The following CEP162 variants were observed in gnomAD, a reference collection of about 807,000 sequenced individuals.
The protein encoded by CEP162 is centrosomal protein of 162 kDa.
Under a neutral mutation model 169.2 loss-of-function variants are expected in CEP162, and 141 were observed. That is an observed-to-expected ratio of 0.83 (90% CI 0.73 to 0.96). The LOEUF (loss-of-function observed/expected upper bound fraction) is 0.96. Among genes scored for constraint, CEP162 ranks in the 40% least tolerant of loss-of-function variants. The probability of loss-of-function intolerance (pLI) is 0.00; values close to 1 mark genes in which losing one functional copy is unlikely to be tolerated. For missense variants in CEP162, 1,600 were observed against 1,587.2 expected, an observed-to-expected ratio of 1.01 and a Z score of -0.14; for synonymous variants, 540 against 526.4, an observed-to-expected ratio of 1.03 and a Z score of -0.35.
Position 84,153,193 on chromosome 6 carries a change from T to C in CEP162, c.2995-14A>G, listed in dbSNP as rs1343256833. The C allele has an allele frequency of 6.3e-7, 1 of 1,583,462 alleles. No homozygotes were observed. The highest frequency in any genetic ancestry group is 8.6e-7 in the Non-Finnish European group (1 of 1,168,964). On this transcript the variant is annotated splice_polypyrimidine_tract_variant and intron_variant, in intron 22 of 26. Transcript: ENST00000403245. Reference sequence around the variant, plus strand: ...TTCATACTGAATCTGAAGGAAAGAATCCATGTAATGCCAAACACCTGTTAA... The same window carrying C: ...TTCATACTGAATCTGAAGGAAAGAACCCATGTAATGCCAAACACCTGTTAA...
chr6:84,196,489 A>T (rs1026276287), intron 9 of CEP162, among the ~76,000 whole-genome samples: 6 of 152,234 alleles, frequency 3.9e-5, no homozygotes, highest in Non-Finnish European at 8.8e-5. Flanking sequence ...TAGAAAAAAG[A>T]ATTCAAATAA....
Position 84,133,279 on chromosome 6 carries a change from G to A in CEP162, c.3871-6767C>T, listed in dbSNP as rs146425159. ...GGTGTCAGTTGGCCCCTATTGGGAG[G>A]TGTCTCCCAGTTAGGCTACTCAAGT... is the stretch of plus-strand genomic sequence containing the variant. On this transcript the variant is annotated intron_variant, in intron 25 of 26. Coordinates refer to ENST00000403245, the MANE Select transcript of CEP162 (RefSeq NM_014895.4). 1.4e-4 allele frequency among the ~76,000 whole-genome samples: 21 copies of A among 152,326 alleles called. No homozygotes were observed. The East Asian group carries it at 3.9e-3, about 28-fold the overall frequency.
rs138633533 is a variant in CEP162, at chr6:84,152,818, A to T, written c.3356T>A (p.Leu1119Gln). ...ERLQKDRRMM[L>Q]SNQNSKGREE... ...TCTGCCCTTTGAGTTCTGATTTGAT[A>T]GCATCATTCTTCTGTCTTTCTGAAG... is the stretch of plus-strand genomic sequence containing the variant. The change falls in exon 23 of 27, where the codon CTA (leucine) becomes CAA (glutamine). Residue 1119 changes from leucine (L) to glutamine (Q), a missense_variant. Physicochemically the swap from Leu to Gln is moderately radical, Grantham distance 113. Transcript: ENST00000403245. 8 of 1,613,492 alleles carry T rather than the reference A, an allele frequency of 5.0e-6. No individual in the cohort carries two copies. Among genetic ancestry groups the T allele is most frequent in the Admixed American group, 1.7e-5 (1 of 59,866 alleles).
intron 21 of CEP162, among the ~76,000 whole-genome samples, chr6:84,157,459 G>A (rs763192379): frequency 6.6e-6 from 1 of 152,112 alleles, no homozygotes; most frequent in Non-Finnish European, 1.5e-5. Flanking sequence ...ATCACTTGAG[G>A]TCAGGAGTTC....
At chr6:84,185,059 C>A in intron 13 of CEP162, 128 bp downstream of exon 13, 1 of 772,726 alleles carries the variant, frequency 1.3e-6, no homozygotes, top group Non-Finnish European at 2.1e-6. Flanking sequence ...CCTACACTGC[C>A]ACCACCCTGG....
Position 84,153,174 on chromosome 6 carries a change from C to A in CEP162, c.3000G>T (p.Gln1000His). The A allele has an allele frequency of 6.3e-7, 1 of 1,590,156 alleles. No homozygotes were observed. The highest frequency in any genetic ancestry group is 8.5e-7 in the Non-Finnish European group (1 of 1,172,434). Reference protein sequence around the residue: ...MEQQFQKMKIQYEQRLEQQEQ... With the variant: ...MEQQFQKMKIHYEQRLEQQEQ... ...CCTGCTGCTCTAGTCTTTGTTCATA[C>A]TGAATCTGAAGGAAAGAATCCATGT... is the stretch of plus-strand genomic sequence containing the variant. Residue 1000 changes from glutamine (Q) to histidine (H), a missense_variant, in exon 23 of 27, where the codon CAG becomes CAT. Transcript: ENST00000403245.
At chr6:84,165,999 T>C (rs765735305) in intron 18 of CEP162, among the ~76,000 whole-genome samples, 2 of 152,212 alleles carry the variant, frequency 1.3e-5, no homozygotes, top group Non-Finnish European at 2.9e-5. Context: ...TCTATTAGTG[T>C]CTACTTCATG....
chr6:84,177,541 A>T (rs2099532903), intron 13 of CEP162, among the ~76,000 whole-genome samples: 1 of 151,852 alleles, frequency 6.6e-6, no homozygotes, highest in Non-Finnish European at 1.5e-5. Flanking sequence ...AATAATCTTT[A>T]TTTATTTATT....
chr6:84,164,313 T>C lies in CEP162; in HGVS notation c.2386-1043A>G, dbSNP rs2099526916. Among the ~76,000 whole-genome samples the C allele has an allele frequency of 3.9e-5, 6 of 152,304 alleles. No homozygotes were observed. In the South Asian group the frequency reaches 1.2e-3, roughly 32 times the overall value. On this transcript the variant is annotated intron_variant, in intron 18 of 26. Coordinates refer to ENST00000403245, the MANE Select transcript of CEP162 (RefSeq NM_014895.4). ...TGGTGATTCCTCAAGGATCTAGAAC[T>C]AGAAATACCATTTGACTCAGCAATC...
chr6:84,127,407 A>G (rs901350888), intron 25 of CEP162, among the ~76,000 whole-genome samples: 4 of 152,150 alleles, frequency 2.6e-5, no homozygotes. Context: ...GAGGCAATCT[A>G]TTTTAAATGT....
chr6:84,133,722 T>C (rs2099512627), intron 25 of CEP162, among the ~76,000 whole-genome samples: 3 of 152,120 alleles, frequency 2.0e-5, no homozygotes, highest in African/African-American at 7.2e-5. Context: ...AAAAGCACAG[T>C]ATTAGGGTGG....
At chr6:84,173,395 G>A (rs549638217) in intron 16 of CEP162, among the ~76,000 whole-genome samples, 1 of 152,242 alleles carries the variant, frequency 6.6e-6, no homozygotes, top group South Asian at 2.1e-4. Context: ...ATCCTGATAA[G>A]CCCATCATAA....
intron 25 of CEP162, among the ~76,000 whole-genome samples, chr6:84,127,204 C>T (rs964704943): frequency 6.6e-6 from 1 of 151,920 alleles, no homozygotes; most frequent in African/African-American, 2.4e-5. Flanking sequence ...AAAAGAAATT[C>T]CAACAAGAAT....
chr6:84,137,067 C>T (rs953332959), intron 25 of CEP162, among the ~76,000 whole-genome samples: 9 of 152,174 alleles, frequency 5.9e-5, no homozygotes, highest in African/African-American at 9.7e-5. Flanking sequence ...GTGGAGCATG[C>T]GGCATCTAAA....
intron 25 of CEP162, among the ~76,000 whole-genome samples, chr6:84,141,244 C>T (rs544826118): frequency 2.2e-5 from 3 of 137,104 alleles, no homozygotes; most frequent in Non-Finnish European, 4.4e-5. Flanking sequence ...GTTTTTATAT[C>T]AAAAAATGAT....
chr6:84,195,907 A>G lies in CEP162; in HGVS notation c.836-832T>C, dbSNP rs575301046. On this transcript the variant is annotated intron_variant, in intron 9 of 26. Transcript: ENST00000403245. ...TTGTGTCCTTATAACTCTTTTCTGA[A>G]TATCAACTTAACAGACATCTAGATT... Among the ~76,000 whole-genome samples the G allele has an allele frequency of 1.2e-4, 18 of 152,280 alleles. 2 individuals are homozygous for G. The highest frequency in any genetic ancestry group is 1.0e-3 in the Admixed American group (16 of 15,298).
chr6:84,173,539 C>T (rs1222016544), intron 16 of CEP162, among the ~76,000 whole-genome samples: 1 of 152,102 alleles, frequency 6.6e-6, no homozygotes, highest in Non-Finnish European at 1.5e-5. Flanking sequence ...AGAGCTAAGA[C>T]TCAAAACCAC....
At position 84,186,642 on chromosome 6, in the gene CEP162, C is replaced by T. The variant is rs2099537281; in HGVS notation, c.1110-19G>A. On this transcript the variant is annotated intron_variant, in intron 11 of 26. Coordinates refer to ENST00000403245, the MANE Select transcript of CEP162 (RefSeq NM_014895.4). Reference sequence around the variant, plus strand: ...CTCAGAGCTATAAAACAAAACAGGACACAGATAATGAACCCTATGTAACAG... The same window carrying T: ...CTCAGAGCTATAAAACAAAACAGGATACAGATAATGAACCCTATGTAACAG... The T allele has an allele frequency of 1.3e-6, 2 of 1,579,334 alleles. No individual in the cohort carries two copies. Among genetic ancestry groups the T allele is most frequent in the South Asian group, 2.3e-5 (2 of 85,796 alleles).
At chr6:84,131,677 T>G (rs2099511523) in intron 25 of CEP162, among the ~76,000 whole-genome samples, 2 of 152,208 alleles carry the variant, frequency 1.3e-5, no homozygotes, top group African/African-American at 2.4e-5. Flanking sequence ...TTTTTTTTGT[T>G]TTGTTTTCCA....
Sources: allele counts gnomAD v4.1 joint callset (sites outside exome capture counted in the v4.1 genomes callset), GRCh38; gene constraint gnomAD v4.1.1; transcripts MANE v1.5; gene names NCBI Gene and HGNC (gene_info 2026-07-23, HGNC 2026-07-21).